The following DLGAP4 variants were observed in gnomAD, a reference collection of about 807,000 sequenced individuals.
DLGAP4 encodes disks large-associated protein 4.
Under a neutral mutation model 86.9 loss-of-function variants are expected in DLGAP4, and 18 were observed. The ratio of observed to expected loss-of-function variants is 0.21; its 90% CI spans 0.14 to 0.31. The LOEUF is 0.31. Among genes scored for constraint, DLGAP4 ranks in the 10% least tolerant of loss-of-function variants. DLGAP4 has a pLI of 1.00. For missense variants in DLGAP4, 1,085 were observed against 1,362.6 expected (o/e 0.80, Z 3.21); for synonymous variants, 548 against 574.3 (o/e 0.95, Z 0.65).
chr20:36,351,812 A>T (rs2030163621), intron 1 of DLGAP4, among the ~76,000 whole-genome samples: 1 of 152,094 alleles, frequency 6.6e-6, no homozygotes, highest in Non-Finnish European at 1.5e-5. Flanking sequence ...TATGCCCCAG[A>T]CACTGTGCTG....
At chr20:36,380,443 C>A (rs894627524) in intron 2 of DLGAP4, among the ~76,000 whole-genome samples, 3 of 151,922 alleles carry the variant, frequency 2.0e-5, no homozygotes, top group Non-Finnish European at 4.4e-5. Flanking sequence ...TAATAATTAG[C>A]CAGGCATGGT....
chr20:36,489,640 T>G (rs1483843431), intron 7 of DLGAP4, among the ~76,000 whole-genome samples: 1 of 151,378 alleles, frequency 6.6e-6, no homozygotes, highest in Non-Finnish European at 1.5e-5. Context: ...ATGGCTGGGG[T>G]GGAAGAGGGA....
intron 7 of DLGAP4, among the ~76,000 whole-genome samples, chr20:36,476,692 T>TA (rs1391324726): frequency 6.8e-6 from 1 of 146,474 alleles, no homozygotes; most frequent in Non-Finnish European, 1.5e-5. Context: ...GCCCAATTTT[T>TA]TTTTTTTTTT....
At chr20:36,332,556 A>T (rs1555891667) in intron 1 of DLGAP4, among the ~76,000 whole-genome samples, 1 of 151,600 alleles carries the variant, frequency 6.6e-6, no homozygotes, top group East Asian at 1.9e-4. Context: ...CACCCAGCTA[A>T]TTTTTGTATT....
intron 6 of DLGAP4, among the ~76,000 whole-genome samples, chr20:36,443,891 C>G (rs1289193291): frequency 2.6e-5 from 4 of 152,180 alleles, no homozygotes; most frequent in Non-Finnish European, 5.9e-5. Context: ...TCATCTTGAC[C>G]ACAACCCTGA....
At chr20:36,422,783 C>T (rs1374723811) in intron 2 of DLGAP4, among the ~76,000 whole-genome samples, 1 of 152,214 alleles carries the variant, frequency 6.6e-6, no homozygotes, top group Non-Finnish European at 1.5e-5. Flanking sequence ...AGGGAGGCAG[C>T]AGCTTTGCTG....
rs761749097 is a variant in DLGAP4, at chr20:36,439,738, C to T, written c.1242-16C>T. The T allele has an allele frequency of 2.4e-5, 38 of 1,607,402 alleles. No homozygotes were observed. The Admixed American group carries it at 6.4e-4, about 27-fold the overall frequency. On this transcript the variant is annotated splice_polypyrimidine_tract_variant and intron_variant, in intron 4 of 12. Coordinates refer to ENST00000339266, the MANE Select transcript of DLGAP4 (RefSeq NM_001365621.2). ...ATGGGTGGGCTGAGCCCTGTCTGCT[C>T]CCCACTCCCCACCAGGAGTCTGGAC...
chr20:36,521,328 C>T (rs2037367920), intron 10 of DLGAP4, among the ~76,000 whole-genome samples: 1 of 152,206 alleles, frequency 6.6e-6, no homozygotes. Context: ...CATGTTCTTT[C>T]TCTTCCATGC....
chr20:36,494,984 G>GTTTTTTTTTTTTTTTTTTTTTTTT (rs752411826), intron 7 of DLGAP4, among the ~76,000 whole-genome samples: 1 of 75,390 alleles, frequency 1.3e-5, no homozygotes, highest in African/African-American at 5.4e-5. Context: ...TTTTTGTTCG[G>GTTTTTTTTTTTTTTTTTTTTTTTT]TTTTTTTTTT....
chr20:36,436,315 G>A lies in DLGAP4; in HGVS notation c.1206G>A (p.Thr402=). The A allele has an allele frequency of 3.1e-6, 5 of 1,602,786 alleles. No homozygotes were observed. Among genetic ancestry groups the A allele is most frequent in the Non-Finnish European group, 4.2e-6 (5 of 1,178,450 alleles). The change falls in exon 4 of 13, where the codon ACG becomes ACA. Residue 402 remains threonine (T), a synonymous_variant. Transcript: ENST00000339266. ...AARRQSYLRA[T]QQSLGEQSNP... is the part of the protein sequence containing the mutation. ...GGCGCCAGAGCTATCTGAGGGCCACGCAGCAGTCGCTGGGAGAGCAGAGCA... is the reference window on the plus strand; with the variant it reads ...GGCGCCAGAGCTATCTGAGGGCCACACAGCAGTCGCTGGGAGAGCAGAGCA...
chr20:36,456,678 G>T (rs961714289), intron 7 of DLGAP4, among the ~76,000 whole-genome samples: 1 of 152,224 alleles, frequency 6.6e-6, no homozygotes, highest in African/African-American at 2.4e-5. Context: ...TGCCTACTGT[G>T]TGCTGAGTAT....
At chr20:36,398,035 C>T (rs1185848710) in intron 2 of DLGAP4, among the ~76,000 whole-genome samples, 1 of 152,180 alleles carries the variant, frequency 6.6e-6, no homozygotes, top group Admixed American at 6.5e-5. Flanking sequence ...GCAAGAGAAT[C>T]GCTTGAACCT....
chr20:36,448,142 A>G (rs2425257), intron 7 of DLGAP4, among the ~76,000 whole-genome samples: 2,367 of 152,210 alleles, frequency 0.016, 25 homozygotes, highest in Non-Finnish European at 0.024. Context: ...ACTTGAGCCT[A>G]GGAGTTGGAG....
At position 36,500,219 on chromosome 20, in the gene DLGAP4, G is replaced by T; in HGVS notation, c.2120G>T (p.Ser707Ile). ...DDWRSSVPSH[S>I]MSSRRDTDSD... is the part of the protein sequence containing the mutation. ...CACAGAAGCAGCGTCCCCTCTCACA[G>T]TATGTCCTCCCGACGGGACACAGAC... The change falls in exon 10 of 13, where the codon AGT becomes ATT. Residue 707 changes from serine (S) to isoleucine (I), a missense_variant. This residue lies in a region of DLGAP4 where 1,082 missense variants were observed against 1,344.1 expected (regional missense o/e 0.81). Coordinates refer to ENST00000339266, the MANE Select transcript of DLGAP4 (RefSeq NM_001365621.2). The surrounding 1 kb of genome is among the most constrained non-coding windows in gnomAD (Gnocchi z 4.6). 6.5e-7 allele frequency: 1 copy of T among 1,542,430 alleles called. No individual in the cohort carries two copies. Among genetic ancestry groups the T allele is most frequent in the Non-Finnish European group, 8.7e-7 (1 of 1,142,866 alleles).
At chr20:36,461,358 G>A in intron 7 of DLGAP4, 1 of 712,756 alleles carries the variant, frequency 1.4e-6, no homozygotes. Flanking sequence ...CGGGCTGCGC[G>A]CGCCCCTGCC....
chr20:36,513,853 A>T (rs1457570958), intron 10 of DLGAP4, among the ~76,000 whole-genome samples: 2 of 152,150 alleles, frequency 1.3e-5, no homozygotes, highest in African/African-American at 4.8e-5. Context: ...GGAAATGTCG[A>T]TCTGGGGGAA....
Position 36,349,849 on chromosome 20 carries a change from T to C in DLGAP4, c.-303-17196T>C, listed in dbSNP as rs561232487. Among the ~76,000 whole-genome samples, 4 of 152,314 alleles carry C rather than the reference T, an allele frequency of 2.6e-5. No homozygotes were observed. In the South Asian group the frequency reaches 6.2e-4, roughly 24 times the overall value. On this transcript the variant is annotated intron_variant, in intron 1 of 12. Coordinates refer to ENST00000339266, the MANE Select transcript of DLGAP4 (RefSeq NM_001365621.2). ...CACATCAATAAATAATAGCTATTTA[T>C]TGGGAAACTAAATTCCCCAAGGTAT...
At position 36,528,331 on chromosome 20, in the gene DLGAP4, A is replaced by AGGGCAGGGGC. The variant is rs2147884529; in HGVS notation, c.*1301_*1310dup. 6.6e-6 allele frequency: 1 copy of AGGGCAGGGGC among 152,046 alleles called. No individual in the cohort carries two copies. The highest frequency in any genetic ancestry group is 2.4e-5 in the African/African-American group (1 of 41,176). The allele number at this position is 152,046 out of a possible 1,614,324, so 9.4% of individuals were successfully genotyped here. A position where few individuals can be genotyped will look rare whatever the true frequency, so the allele number is the denominator to read the frequency against. ...CCGGGCCTGCAGGGCGGGGTAGGGG[A>AGGGCAGGGGC]GGGCAGGGGCTGAGCCCCGAAGCCA... On this transcript the variant is annotated 3_prime_UTR_variant, in exon 13 of 13. Coordinates refer to ENST00000339266, the MANE Select transcript of DLGAP4 (RefSeq NM_001365621.2).
At chr20:36,415,180 C>T (rs2032617168) in intron 2 of DLGAP4, among the ~76,000 whole-genome samples, 1 of 152,204 alleles carries the variant, frequency 6.6e-6, no homozygotes, top group Admixed American at 6.5e-5. Flanking sequence ...GCATGAAAAT[C>T]GCTTGAACCT....
Sources: gnomAD v4.1 joint callset for allele counts (sites outside exome capture counted in the v4.1 genomes callset) on GRCh38, gnomAD v4.1.1 for gene constraint, gnomAD v4.1.1 regional missense constraint, Gnocchi (gnomAD v3.1) non-coding constraint, MANE v1.5 for transcripts, NCBI Gene and HGNC (gene_info 2026-07-23, HGNC 2026-07-21) for gene names.